The following LMAN1 variants were observed in gnomAD, a reference collection of about 807,000 sequenced individuals.
LMAN1 encodes protein ERGIC-53.
A neutral mutation model predicts 67.8 loss-of-function variants in LMAN1; 32 were observed. That is an observed-to-expected ratio of 0.47 (90% CI 0.36 to 0.63). The LOEUF is 0.63. Among genes scored for constraint, LMAN1 ranks in the 30% least tolerant of loss-of-function variants. The pLI is 0.00. For synonymous variants in LMAN1, 235 were observed against 219.3 expected (o/e 1.07, Z -0.63); for missense variants, 632 against 628.2 (o/e 1.01, Z -0.06).
rs2070733871 is a variant in LMAN1 at position 59,329,372 on chromosome 18, C to T, written c.*1721G>A. On this transcript the variant is annotated 3_prime_UTR_variant, in exon 13 of 13. Coordinates refer to ENST00000251047, the MANE Select transcript of LMAN1 (RefSeq NM_005570.4). ...GACTTTATAATACTGGATTTGGCAG[C>T]CTTTTATCTCAAGAGGATTTCTCAA... 6.6e-6 allele frequency: 1 copy of T among 152,040 alleles called. No homozygotes were observed. The highest frequency in any genetic ancestry group is 1.5e-5 in the Non-Finnish European group (1 of 67,992). 9.4% of individuals were successfully genotyped at this position (152,040 alleles called of 1,614,324 possible). A position where few individuals can be genotyped will look rare whatever the true frequency, so the allele number is the denominator to read the frequency against.
At chr18:59,358,618 C>T (rs1908716700) in intron 1 of LMAN1, among the ~76,000 whole-genome samples, 1 of 151,766 alleles carries the variant, frequency 6.6e-6, no homozygotes, top group South Asian at 2.1e-4. Flanking sequence ...AGTAAGGGGG[C>T]TTCTAGAACA....
intron 4 of LMAN1, 122 bp downstream of exon 4, chr18:59,354,397 T>C (rs1908612650): frequency 6.0e-6 from 4 of 669,842 alleles, no homozygotes; most frequent in South Asian, 5.2e-5. Flanking sequence ...TTACAAAATA[T>C]GTCTCAAGAA....
At chr18:59,356,588 G>GA (rs1908664922) in intron 1 of LMAN1, among the ~76,000 whole-genome samples, 1 of 152,162 alleles carries the variant, frequency 6.6e-6, no homozygotes, top group Non-Finnish European at 1.5e-5. Flanking sequence ...TTTACAGGTA[G>GA]AAAAAAGTTG....
chr18:59,338,823 A>AT lies in LMAN1; in HGVS notation c.1085dup (p.Tyr362Ter). Residue 362 changes from tyrosine to a stop codon, truncating the protein, a stop_gained and frameshift_variant, in exon 9 of 13, where the codon TAT becomes TAAT. Transcript: ENST00000251047. LOFTEE classifies it high-confidence loss of function. Reference protein sequence around the residue: ...LDMILDEQRRYVSSLTEEISK... With the variant: ...LDMILDEQRR ...AGATTTCCTCTGTTAAGGAAGAGAC[A>AT]TATCTTCTCTGTTCATCAAGAATCA... 3 of 1,614,064 alleles carry AT rather than the reference A, an allele frequency of 1.9e-6. No homozygotes were observed. Among genetic ancestry groups the AT allele is most frequent in the Non-Finnish European group, 2.5e-6 (3 of 1,180,000 alleles).
chr18:59,335,123 T>G (rs552149000), intron 10 of LMAN1, among the ~76,000 whole-genome samples: 1 of 152,124 alleles, frequency 6.6e-6, no homozygotes, highest in Non-Finnish European at 1.5e-5. Context: ...ACCCGTCACA[T>G]AAGAAAGAAA....
In LMAN1 at chr18:59,331,036, C is replaced by T. The variant is rs41355245; in HGVS notation, c.*57G>A. 5,709 of 1,156,610 alleles carry T rather than the reference C, an allele frequency of 4.9e-3. 25 individuals carry two copies. The highest frequency in any genetic ancestry group is 0.01 in the Middle Eastern group (52 of 5,116). The allele number at this position is 1,156,610 out of a possible 1,614,324, so 71.6% of individuals were successfully genotyped here. ...ATGAAGCAATTTAAATACTTAAATT[C>T]CCTCAAAACGACATCATTTTGTACA... On this transcript the variant is annotated 3_prime_UTR_variant, in exon 13 of 13. Coordinates refer to ENST00000251047, the MANE Select transcript of LMAN1 (RefSeq NM_005570.4).
chr18:59,328,475 G>A lies in LMAN1; in HGVS notation c.*2618C>T, dbSNP rs1236704311. 6.6e-6 allele frequency: 1 copy of A among 152,186 alleles called. No individual in the cohort carries two copies. The highest frequency in any genetic ancestry group is 1.5e-5 in the Non-Finnish European group (1 of 68,024). 9.4% of individuals were successfully genotyped at this position (152,186 alleles called of 1,614,324 possible). ...TAATAAAAGGAACATTAAGTAAATT[G>A]TAGGTATAAAAGAATCAGTGCATAT... On this transcript the variant is annotated 3_prime_UTR_variant, in exon 13 of 13. Coordinates refer to ENST00000251047, the MANE Select transcript of LMAN1 (RefSeq NM_005570.4).
At chr18:59,334,381 GA>G (rs1568112491) in intron 10 of LMAN1, among the ~76,000 whole-genome samples, 1 of 152,170 alleles carries the variant, frequency 6.6e-6, no homozygotes, top group Non-Finnish European at 1.5e-5. Flanking sequence ...CTGTGGAGAT[GA>G]ATTGTCTAGC....
At chr18:59,347,398 G>A (rs1260478077) in intron 7 of LMAN1, 115 bp downstream of exon 7, 1 of 464,778 alleles carries the variant, frequency 2.2e-6, no homozygotes, top group Non-Finnish European at 3.9e-6. Context: ...ACTTGCACAA[G>A]ACCATATAGC....
chr18:59,346,127 T>C, intron 7 of LMAN1, 76 bp from the exon 8 acceptor site: 1 of 1,308,940 alleles, frequency 7.6e-7, no homozygotes, highest in Non-Finnish European at 1.1e-6. Flanking sequence ...ATGTTATTTT[T>C]CTCATTTTAA....
rs750403698 is a variant in LMAN1 at position 59,345,983 on chromosome 18, T to G, written c.891A>C (p.Gln297His). The change falls in exon 8 of 13, where the codon CAA becomes CAC. Residue 297 changes from glutamine to histidine, a missense_variant. Transcript: ENST00000251047. ...CCTCTTTTTTTTTATCCAATTCTTG[T>G]TGAAAGTGCTCAAATTCCTCCTGAT... ...EKYQEEFEHF[Q>H]QELDKKKEEF... 1 of 1,613,936 alleles carries G rather than the reference T, an allele frequency of 6.2e-7. No individual in the cohort carries two copies.
At chr18:59,333,946 T>C (rs1253643381) in intron 10 of LMAN1, among the ~76,000 whole-genome samples, 1 of 152,192 alleles carries the variant, frequency 6.6e-6, no homozygotes, top group Non-Finnish European at 1.5e-5. Context: ...TTGAGTTACA[T>C]GAGCAGTGAA....
Position 59,338,831 on chromosome 18 carries a change from T to C in LMAN1, c.1078A>G (p.Arg360Gly). ...TCTGTTAAGGAAGAGACATATCTTCTCTGTTCATCAAGAATCATATCTAAC... is the reference window on the plus strand; with the variant it reads ...TCTGTTAAGGAAGAGACATATCTTCCCTGTTCATCAAGAATCATATCTAAC... Reference protein sequence around the residue: ...RQLDMILDEQRRYVSSLTEEI... With the variant: ...RQLDMILDEQGRYVSSLTEEI... Residue 360 changes from arginine to glycine, a missense_variant, in exon 9 of 13, where the codon AGA becomes GGA. Arg to Gly is a moderately radical substitution (Grantham distance 125, BLOSUM62 -2). Transcript: ENST00000251047. The C allele has an allele frequency of 6.2e-7, 1 of 1,614,048 alleles. No homozygotes were observed. Among genetic ancestry groups the C allele is most frequent in the Non-Finnish European group, 8.5e-7 (1 of 1,179,974 alleles).
chr18:59,345,893 C>A (rs370048371), intron 8 of LMAN1, 26 bp downstream of exon 8: 6 of 1,613,462 alleles, frequency 3.7e-6, no homozygotes, highest in African/African-American at 2.7e-5. Flanking sequence ...TGCTGCGGCA[C>A]CCATGTCAGC....
intron 5 of LMAN1, among the ~76,000 whole-genome samples, 172 bp from the exon 6 acceptor site, chr18:59,349,408 T>A (rs1908493078): frequency 6.6e-6 from 1 of 151,958 alleles, no homozygotes; most frequent in Non-Finnish European, 1.5e-5. Flanking sequence ...AAAAAATGAG[T>A]TTTGCCCCAC....
intron 5 of LMAN1, among the ~76,000 whole-genome samples, chr18:59,350,958 T>A (rs997252331): frequency 6.6e-6 from 1 of 152,198 alleles, no homozygotes; most frequent in African/African-American, 2.4e-5. Context: ...TTTCAAACCA[T>A]TGTTAAAGAC....
At position 59,357,963 on chromosome 18, in the gene LMAN1, T is replaced by TAAA. The variant is rs150790005; in HGVS notation, c.214+1065_214+1067dup. On this transcript the variant is annotated intron_variant, in intron 1 of 12. Coordinates refer to ENST00000251047, the MANE Select transcript of LMAN1 (RefSeq NM_005570.4). ...TGCACATGTACCCTAAACCTTATAG[T>TAAA]AAAAAAAAAAAAAAAAAAAAAGATT... Among the ~76,000 whole-genome samples, 5 of 102,550 alleles carry TAAA rather than the reference T, an allele frequency of 4.9e-5. No individual in the cohort carries two copies. In the East Asian group the frequency reaches 9.0e-4, roughly 18 times the overall value. 67.3% of individuals were successfully genotyped at this position (102,550 alleles called of 152,430 possible). A position where few individuals can be genotyped will look rare whatever the true frequency, so the allele number is the denominator to read the frequency against.
chr18:59,354,279 T>C (rs1479767437), intron 4 of LMAN1, among the ~76,000 whole-genome samples: 1 of 152,216 alleles, frequency 6.6e-6, no homozygotes, highest in East Asian at 1.9e-4. Context: ...AAGTATATTA[T>C]TAAATAATTT....
At chr18:59,352,697 C>G (rs1908569669) in intron 5 of LMAN1, 1 of 185,746 alleles carries the variant, frequency 5.4e-6, no homozygotes, top group Admixed American at 5.4e-5. Context: ...CAGCTCAACT[C>G]TGAGAAAATG....
Sources: gnomAD v4.1 joint callset for allele counts (sites outside exome capture counted in the v4.1 genomes callset) on GRCh38, gnomAD v4.1.1 for gene constraint, MANE v1.5 for transcripts, NCBI Gene and HGNC (gene_info 2026-07-23, HGNC 2026-07-21) for gene names.